The following IL1RAPL1 variants were observed in gnomAD, a reference collection of about 807,000 sequenced individuals.
IL1RAPL1 encodes interleukin-1 receptor accessory protein-like 1.
A neutral mutation model predicts 48.4 loss-of-function variants in IL1RAPL1; 3 were observed. The observed-to-expected ratio is 0.06, with a 90% CI of 0.03 to 0.16. IL1RAPL1 has a LOEUF of 0.16. IL1RAPL1 is among the 10% of genes least tolerant of loss of function. The pLI is 1.00. For synonymous variants in IL1RAPL1, 185 were observed against 187.7 expected (o/e 0.99, Z 0.12); for missense variants, 349 against 530.6 (o/e 0.66, Z 3.36).
At chrX:29,028,535 C>T (rs937251867) in intron 2 of IL1RAPL1, among the ~76,000 whole-genome samples, 1 of 110,833 alleles carries the variant, frequency 9.0e-6, no homozygotes, top group South Asian at 3.8e-4. Flanking sequence ...ATCCACCCGC[C>T]TCAGCCTCCC....
At chrX:29,163,795 A>G (rs1249605799) in intron 2 of IL1RAPL1, among the ~76,000 whole-genome samples, 1 of 112,066 alleles carries the variant, frequency 8.9e-6, no homozygotes, top group Non-Finnish European at 1.9e-5. Context: ...ATTTTCATAT[A>G]TTTAAATACA....
intron 1 of IL1RAPL1, among the ~76,000 whole-genome samples, chrX:28,760,321 G>A (rs1936154141): frequency 9.0e-6 from 1 of 111,725 alleles, no homozygotes; most frequent in Non-Finnish European, 1.9e-5. Context: ...AACTCTCCTT[G>A]ATTTTTATTG....
chrX:29,080,988 CTT>C (rs771378971), intron 2 of IL1RAPL1, among the ~76,000 whole-genome samples: 1,145 of 38,647 alleles, frequency 0.03, 15 homozygotes, highest in Non-Finnish European at 0.037. Flanking sequence ...TTCTTTCTTT[CTT>C]TCTTTCTCTC....
At chrX:29,513,819 A>G (rs1205993954) in intron 5 of IL1RAPL1, among the ~76,000 whole-genome samples, 1 of 112,086 alleles carries the variant, frequency 8.9e-6, no homozygotes, top group Non-Finnish European at 1.9e-5. Context: ...AATGGATCCA[A>G]TATCTGTTCA....
intron 2 of IL1RAPL1, among the ~76,000 whole-genome samples, chrX:29,014,629 G>T (rs1602012292): frequency 8.9e-6 from 1 of 111,839 alleles, no homozygotes; most frequent in East Asian, 2.8e-4. Flanking sequence ...GTTATTTCAA[G>T]AAGCCATTTT....
intron 6 of IL1RAPL1, among the ~76,000 whole-genome samples, chrX:29,710,606 GTATATA>G (rs907712361): frequency 4.9e-5 from 5 of 101,920 alleles, no homozygotes; most frequent in African/African-American, 1.8e-4. Context: ...ATGTGTGTGT[GTATATA>G]TATATATATA....
intron 5 of IL1RAPL1, among the ~76,000 whole-genome samples, chrX:29,576,746 A>G (rs1922787833): frequency 9.0e-6 from 1 of 111,315 alleles, no homozygotes; most frequent in Admixed American, 9.5e-5. Flanking sequence ...TAGGAGAATG[A>G]GTTTCATATA....
At chrX:29,415,568 T>A (rs1342717001) in intron 5 of IL1RAPL1, among the ~76,000 whole-genome samples, 2 of 110,425 alleles carry the variant, frequency 1.8e-5, no homozygotes, top group Non-Finnish European at 3.8e-5. Flanking sequence ...TACAGGCGCG[T>A]GCCACCACGC....
intron 3 of IL1RAPL1, among the ~76,000 whole-genome samples, chrX:29,314,379 C>T (rs1412745295): frequency 5.4e-5 from 6 of 112,014 alleles, no homozygotes; most frequent in Admixed American, 2.8e-4. Flanking sequence ...GAGTAAATAG[C>T]TGTTGAATAA....
intron 6 of IL1RAPL1, among the ~76,000 whole-genome samples, chrX:29,765,430 A>G (rs895695362): frequency 1.1e-4 from 12 of 111,635 alleles, no homozygotes; most frequent in African/African-American, 3.9e-4. Context: ...TTTGTGGGAG[A>G]GGAGTTATTA....
At chrX:29,793,155 T>C (rs777848486) in intron 6 of IL1RAPL1, among the ~76,000 whole-genome samples, 2 of 112,463 alleles carry the variant, frequency 1.8e-5, no homozygotes, top group East Asian at 5.6e-4. Flanking sequence ...TCCACATCTA[T>C]TCCCAAACTT....
chrX:29,468,551 C>A (rs965638775), intron 5 of IL1RAPL1, among the ~76,000 whole-genome samples: 2 of 81,584 alleles, frequency 2.5e-5, no homozygotes, highest in Admixed American at 1.2e-4. Context: ...GATAATTCTT[C>A]GACTTTTTTA....
At chrX:28,976,666 C>T (rs1263457427) in intron 2 of IL1RAPL1, among the ~76,000 whole-genome samples, 1 of 111,157 alleles carries the variant, frequency 9.0e-6, no homozygotes, top group Admixed American at 9.6e-5. Flanking sequence ...GATTAGGTTA[C>T]CCAGGAAGTG....
At chrX:29,332,636 ATTTATTTATTTATTTTATTTTTTT>A (rs1427612024) in intron 3 of IL1RAPL1, among the ~76,000 whole-genome samples, 32 of 98,122 alleles carry the variant, frequency 3.3e-4, no homozygotes, top group African/African-American at 1.3e-3. Context: ...TTATTTATTT[ATTTATTTATTTATTTTATTTTTTT>A]TTTTTTATTG....
At chrX:28,864,404 T>C (rs2147304444) in intron 2 of IL1RAPL1, among the ~76,000 whole-genome samples, 1 of 112,326 alleles carries the variant, frequency 8.9e-6, no homozygotes, top group East Asian at 2.8e-4. Context: ...AAAATAACAT[T>C]TATAAAGTAA....
intron 5 of IL1RAPL1, among the ~76,000 whole-genome samples, chrX:29,486,061 G>A (rs1935091882): frequency 9.0e-6 from 1 of 111,369 alleles, no homozygotes; most frequent in African/African-American, 3.3e-5. Flanking sequence ...GTTTTAACAA[G>A]CCCTGCAGGT....
At chrX:29,018,461 T>C (rs1926290214) in intron 2 of IL1RAPL1, among the ~76,000 whole-genome samples, 1 of 111,986 alleles carries the variant, frequency 8.9e-6, no homozygotes. Context: ...GCATCTCATC[T>C]CTAGCCTAGG....
intron 2 of IL1RAPL1, among the ~76,000 whole-genome samples, chrX:29,156,718 AG>A (rs1929578018): frequency 8.9e-6 from 1 of 111,750 alleles, no homozygotes; most frequent in Admixed American, 9.6e-5. Context: ...CATCCAGATC[AG>A]GCATCTATAC....
intron 2 of IL1RAPL1, among the ~76,000 whole-genome samples, chrX:29,243,658 T>G (rs1176761152): frequency 9.0e-6 from 1 of 111,703 alleles, no homozygotes; most frequent in Admixed American, 9.5e-5. Flanking sequence ...TCAAAAGTAA[T>G]GATTACTTTT....
Sources: allele counts gnomAD v4.1 joint callset (sites outside exome capture counted in the v4.1 genomes callset), GRCh38; gene constraint gnomAD v4.1.1; transcripts MANE v1.5; gene names NCBI Gene and HGNC (gene_info 2026-07-23, HGNC 2026-07-21).